The following SRGAP3 variants were observed in gnomAD, a reference collection of about 807,000 sequenced individuals.
SRGAP3 encodes the protein SLIT-ROBO Rho GTPase-activating protein 3.
In SRGAP3, 39 loss-of-function variants were observed where a neutral mutation model predicts 121.1. That is an observed-to-expected ratio of 0.32 (90% confidence interval 0.25 to 0.42). The LOEUF is 0.42. Ranked by LOEUF, SRGAP3 falls within the 10% of genes least tolerant of loss-of-function variation. SRGAP3 has a pLI of 1.00. For synonymous variants in SRGAP3, 601 were observed against 570.0 expected, an observed-to-expected ratio of 1.05 and a Z score of -0.77; for missense variants, 1,213 against 1,470.6, an observed-to-expected ratio of 0.82 and a Z score of 2.86.
chr3:9,013,700 C>T lies in SRGAP3; in HGVS notation c.1919+37G>A, dbSNP rs1943484927. On this transcript the variant is annotated intron_variant, in intron 16 of 21. Transcript: ENST00000383836. ...ATACCCCCTCCCAAAAGAGGCCAGG[C>T]CTGAGTCAAAAAGGGGCCCCTTGGC... is the stretch of plus-strand genomic sequence containing the variant. 3.1e-6 allele frequency: 5 copies of T among 1,608,542 alleles called. No individual in the cohort carries two copies. In the South Asian group the frequency reaches 5.5e-5, roughly 18 times the overall value.
chr3:9,341,062 G>A (rs750439261), intron 1 of SRGAP3, among the ~76,000 whole-genome samples: 133 of 152,222 alleles, frequency 8.7e-4, no homozygotes, highest in Non-Finnish European at 1.5e-3. Flanking sequence ...GAGACAGAAA[G>A]AGAGAATGGG....
intron 10 of SRGAP3, among the ~76,000 whole-genome samples, chr3:9,039,937 T>C (rs1944940779): frequency 6.6e-6 from 1 of 152,240 alleles, no homozygotes; most frequent in African/African-American, 2.4e-5. Flanking sequence ...ACTCTTTCTT[T>C]CTATGCCCCA....
intron 3 of SRGAP3, among the ~76,000 whole-genome samples, chr3:9,285,156 C>T (rs574427260): frequency 6.6e-6 from 1 of 152,256 alleles, no homozygotes; most frequent in African/African-American, 2.4e-5. Flanking sequence ...ACTGGCAATT[C>T]CCAACAAAAC....
At chr3:9,317,091 GA>G (rs1413175683) in intron 3 of SRGAP3, among the ~76,000 whole-genome samples, 1 of 152,104 alleles carries the variant, frequency 6.6e-6, no homozygotes, top group African/African-American at 2.4e-5. Context: ...AGCAGTCGAG[GA>G]AAAAGAAAAA....
At chr3:9,307,561 T>A (rs1464408946) in intron 3 of SRGAP3, among the ~76,000 whole-genome samples, 1 of 152,176 alleles carries the variant, frequency 6.6e-6, no homozygotes, top group Non-Finnish European at 1.5e-5. Context: ...AAAACAAGCT[T>A]TTAAAAGTCT....
At position 9,151,972 on chromosome 3, in the gene SRGAP3, C is replaced by T. The variant is rs534291791; in HGVS notation, c.68-27055G>A. Among the ~76,000 whole-genome samples, 8 of 152,320 alleles carry T rather than the reference C, an allele frequency of 5.3e-5. No homozygotes were observed. In the South Asian group the frequency reaches 1.5e-3, roughly 28 times the overall value. On this transcript the variant is annotated intron_variant, in intron 1 of 21. Transcript: ENST00000383836. ...GGGCAGAGCCCCTCCTGCTCCTCCC[C>T]ACATCATCCATGTGTCCTATGGAAA...
Position 9,013,812 on chromosome 3 carries a change from T to A in SRGAP3, c.1844A>T (p.Gln615Leu), listed in dbSNP as rs1332413590. 3 of 1,614,186 alleles carry A rather than the reference T, an allele frequency of 1.9e-6. No individual in the cohort carries two copies. Among genetic ancestry groups the A allele is most frequent in the African/African-American group, 1.3e-5 (1 of 75,042 alleles). ...KLENPAERVHQIQQILVTLPR... is the reference protein window; with the variant it reads ...KLENPAERVHLIQQILVTLPR... ...AAGGGTGACGAGGATTTGTTGGATC[T>A]GGTGCACCCTCTCGGCTGGGTTCTC... Residue 615 changes from glutamine to leucine, a missense_variant, in exon 16 of 22, where the codon CAG becomes CTG. Physicochemically the swap from Gln to Leu is moderately radical, Grantham distance 113. Around this residue, in one of 2 missense-constraint regions of SRGAP3, gnomAD observed 793 missense variants for 1,032.9 expected, o/e 0.77. Transcript: ENST00000383836.
intron 1 of SRGAP3, chr3:9,348,789 A>G (rs1237236466): frequency 2.5e-5 from 34 of 1,366,926 alleles, no homozygotes; most frequent in Non-Finnish European, 2.7e-5. Context: ...ATCTGGAGGC[A>G]CTCCTATGAT....
chr3:9,018,625 G>A (rs56126181), intron 14 of SRGAP3, among the ~76,000 whole-genome samples: 10,192 of 152,256 alleles, frequency 0.067, 857 homozygotes, highest in African/African-American at 0.2. Flanking sequence ...ACCTTATGGT[G>A]TGCAACTCAA....
chr3:9,095,517 A>C (rs1425255105), intron 3 of SRGAP3, among the ~76,000 whole-genome samples: 2 of 152,224 alleles, frequency 1.3e-5, no homozygotes, highest in African/African-American at 4.8e-5. Context: ...TTATGTATAT[A>C]TAAAATTAGC....
At chr3:9,174,615 G>A (rs373881640) in intron 1 of SRGAP3, among the ~76,000 whole-genome samples, 3 of 152,152 alleles carry the variant, frequency 2.0e-5, no homozygotes, top group Non-Finnish European at 2.9e-5. Context: ...CAGCAAAGAC[G>A]CACAGGCGGG....
intron 1 of SRGAP3, among the ~76,000 whole-genome samples, chr3:9,139,284 G>A (rs1234862627): frequency 6.6e-6 from 1 of 152,090 alleles, no homozygotes; most frequent in East Asian, 1.9e-4. Context: ...TGGAACCTGG[G>A]AATGTTACCT....
At chr3:9,262,556 A>AAAAAAAAAAAAAAAAAAAAC (rs1954276560) in intron 3 of SRGAP3, among the ~76,000 whole-genome samples, 1 of 148,766 alleles carries the variant, frequency 6.7e-6, no homozygotes. Flanking sequence ...AAAAAAAAAA[A>AAAAAAAAAAAAAAAAAAAAC]GCAGTGGTTG....
chr3:9,025,410 A>G (rs746989595), intron 13 of SRGAP3, 72 bp from the exon 14 acceptor site: 51 of 1,454,048 alleles, frequency 3.5e-5, no homozygotes, highest in Non-Finnish European at 4.8e-5. Flanking sequence ...TACCGGGAAT[A>G]TCAGTGACTC....
At chr3:9,293,375 C>T (rs899281904) in intron 3 of SRGAP3, 1 of 152,174 alleles carries the variant, frequency 6.6e-6, no homozygotes, top group Non-Finnish European at 1.5e-5. Flanking sequence ...TAATCACAAA[C>T]GGACAAACTG....
intron 4 of SRGAP3, among the ~76,000 whole-genome samples, chr3:9,065,066 T>A (rs1311865309): frequency 1.3e-5 from 2 of 152,072 alleles, no homozygotes; most frequent in African/African-American, 4.8e-5. Flanking sequence ...CCCATGGGAA[T>A]TGAATGGGAA....
At chr3:9,177,804 G>A (rs1000729997) in intron 1 of SRGAP3, among the ~76,000 whole-genome samples, 1 of 152,116 alleles carries the variant, frequency 6.6e-6, no homozygotes, top group African/African-American at 2.4e-5. Context: ...CCTACTCTAG[G>A]GAAGACCATG....
rs1942261758 is a variant in SRGAP3 at position 8,994,421 on chromosome 3, G to A, written c.2330C>T (p.Ala777Val). 6.2e-7 allele frequency: 1 copy of A among 1,614,234 alleles called. No homozygotes were observed. ...KGASLLLYHR[A>V]SEDWWEGRHN... is the part of the protein sequence containing the mutation. ...CCGGCCCTCCCACCAGTCCTCCGAGGCGCGGTGGTACAGGAGCAGCGAGGC... is the reference window on the plus strand; with the variant it reads ...CCGGCCCTCCCACCAGTCCTCCGAGACGCGGTGGTACAGGAGCAGCGAGGC... The change falls in exon 19 of 22, where the codon GCC (alanine) becomes GTC (valine). Residue 777 changes from alanine (A) to valine (V), a missense_variant. Around this residue, in one of 2 missense-constraint regions of SRGAP3, gnomAD observed 793 missense variants for 1,032.9 expected, o/e 0.77. Transcript: ENST00000383836.
At chr3:9,240,215 A>T (rs979665215) in intron 1 of SRGAP3, among the ~76,000 whole-genome samples, 96 of 152,232 alleles carry the variant, frequency 6.3e-4, no homozygotes, top group Admixed American at 5.9e-4. Flanking sequence ...TGATTCAACA[A>T]ACTGAGGGAA....
Sources: allele counts gnomAD v4.1 joint callset (sites outside exome capture counted in the v4.1 genomes callset), GRCh38; gene constraint gnomAD v4.1.1; regional missense constraint gnomAD v4.1.1; transcripts MANE v1.5; gene names NCBI Gene and HGNC (gene_info 2026-07-23, HGNC 2026-07-21).